ACCS: variants seen among roughly 807,000 people sequenced by gnomAD.
ACCS encodes the protein 1-aminocyclopropane-1-carboxylate synthase-like protein 1.
A neutral mutation model predicts 59.8 loss-of-function variants in ACCS; 42 were observed. That is an observed-to-expected ratio of 0.70 (90% confidence interval 0.55 to 0.91). The LOEUF is 0.91. ACCS is among the 40% of genes least tolerant of loss of function. The probability of loss-of-function intolerance (pLI) is 0.00; values close to 1 mark genes in which losing one functional copy is unlikely to be tolerated. For synonymous variants in ACCS, 230 were observed against 240.3 expected, an observed-to-expected ratio of 0.96 and a Z score of 0.40; for missense variants, 602 against 630.4, an observed-to-expected ratio of 0.95 and a Z score of 0.48.
At chr11:44,069,514 GCCAAGCCACCGTGCCAGT>G (rs1390712800) in intron 2 of ACCS, among the ~76,000 whole-genome samples, 3 of 152,190 alleles carry the variant, frequency 2.0e-5, no homozygotes, top group Non-Finnish European at 2.9e-5. Context: ...ACCGCGCCTG[GCCAAGCCACCGTGCCAGT>G]CCACGCCACC....
intron 7 of ACCS, 100 bp from the exon 8 acceptor site, chr11:44,077,745 G>A (rs1472934703): frequency 2.0e-6 from 3 of 1,506,596 alleles, no homozygotes; most frequent in Non-Finnish European, 1.8e-6. Flanking sequence ...TTCTGAGGAG[G>A]CTGGGGATTA....
At position 44,083,696 on chromosome 11, in the gene ACCS, G is replaced by C; in HGVS notation, c.1410G>C (p.Gly470=). The change falls in exon 15 of 15, where the codon GGG becomes GGC. Residue 470 remains glycine (G), a splice_region_variant and synonymous_variant. Transcript: ENST00000263776. Reference sequence around the variant, plus strand: ...TGGCCCCTCACTTCCCCTTCCCAGGGATGCAGAGGGTCCAGCAGGTGCTTG... The same window carrying C: ...TGGCCCCTCACTTCCCCTTCCCAGGCATGCAGAGGGTCCAGCAGGTGCTTG... ...FSDQVHRLCL[G]MQRVQQVLAG... The C allele has an allele frequency of 6.2e-7, 1 of 1,614,128 alleles. No homozygotes were observed. Among genetic ancestry groups the C allele is most frequent in the South Asian group, 1.1e-5 (1 of 91,078 alleles).
intron 14 of ACCS, 30 bp from the exon 15 acceptor site, chr11:44,083,665 G>A: frequency 1.2e-6 from 2 of 1,614,166 alleles, no homozygotes; most frequent in Non-Finnish European, 1.7e-6. Context: ...GGCCATCAGT[G>A]CCAACTGGCC....
intron 10 of ACCS, chr11:44,080,809 A>G: frequency 1.7e-6 from 1 of 601,280 alleles, no homozygotes; most frequent in Non-Finnish European, 3.0e-6. Flanking sequence ...TACAAGAAAC[A>G]GGCAGCAGGC....
chr11:44,068,781 C>T (rs1952908441), intron 2 of ACCS, among the ~76,000 whole-genome samples: 1 of 152,178 alleles, frequency 6.6e-6, no homozygotes, highest in Admixed American at 6.5e-5. Context: ...ATAATGCCTT[C>T]AGAAGTCAGA....
rs143198067 is a variant in ACCS, at chr11:44,083,207, C to T, written c.1150C>T (p.Arg384Trp). The T allele has an allele frequency of 3.1e-5, 50 of 1,614,178 alleles. No individual in the cohort carries two copies. Among genetic ancestry groups the T allele is most frequent in the African/African-American group, 1.7e-4 (13 of 75,036 alleles). Residue 384 changes from arginine (R) to tryptophan (W), a missense_variant, in exon 13 of 15, where the codon CGG (arginine) becomes TGG (tryptophan). By Grantham distance (101) the Arg-to-Trp change is moderately radical. Transcript: ENST00000263776. ...GGTGTACCTGCCGGAAAACCATGCC[C>T]GGCTCAAGGCTGCCCACACCTATGT... ...NQVYLPENHA[R>W]LKAAHTYVSE...
At chr11:44,080,424 A>C (rs1391807379) in intron 10 of ACCS, 1 of 153,194 alleles carries the variant, frequency 6.5e-6, no homozygotes, top group African/African-American at 2.4e-5. Flanking sequence ...TGGATTAGGA[A>C]ACTGAGGCAC....
Position 44,083,509 on chromosome 11 carries a change from C to G in ACCS, c.1340C>G (p.Ala447Gly). ...AAGGTGCTGCTGTCCTTTGGCAAGGCCTTCGAGTGTAAAGAGCCTGGTTGG... is the reference window on the plus strand; with the variant it reads ...AAGGTGCTGCTGTCCTTTGGCAAGGGCTTCGAGTGTAAAGAGCCTGGTTGG... Reference protein sequence around the residue: ...DNKVLLSFGKAFECKEPGWFR... With the variant: ...DNKVLLSFGKGFECKEPGWFR... The change falls in exon 14 of 15, where the codon GCC (alanine) becomes GGC (glycine). Residue 447 changes from alanine to glycine, a missense_variant. Coordinates refer to ENST00000263776, the MANE Select transcript of ACCS (RefSeq NM_032592.4). The G allele has an allele frequency of 6.2e-7, 1 of 1,614,258 alleles. No homozygotes were observed. Among genetic ancestry groups the G allele is most frequent in the Non-Finnish European group, 8.5e-7 (1 of 1,180,038 alleles).
Position 44,071,453 on chromosome 11 carries a change from C to G in ACCS, c.348+138C>G, listed in dbSNP as rs959621393. On this transcript the variant is annotated intron_variant, in intron 3 of 14. Transcript: ENST00000263776. Reference sequence around the variant, plus strand: ...CAGGAGACCCGGGTTCCAGGCCTACCTTGGGACAGTTTTCTGTGTGATCTT... The same window carrying G: ...CAGGAGACCCGGGTTCCAGGCCTACGTTGGGACAGTTTTCTGTGTGATCTT... 2.6e-5 allele frequency: 22 copies of G among 855,064 alleles called. No individual in the cohort carries two copies. In the Middle Eastern group the frequency reaches 1.2e-3, roughly 47 times the overall value. 53.0% of individuals were successfully genotyped at this position (855,064 alleles called of 1,614,324 possible).
rs1159286309 is a variant in ACCS at position 44,081,054 on chromosome 11, G to A, written c.958G>A (p.Ala320Thr). Residue 320 changes from alanine to threonine, a missense_variant, in exon 11 of 15, where the codon GCA becomes ACA. Transcript: ENST00000263776. ...PDPQRTHVMW[A>T]TSKDFGMSGL... Reference sequence around the variant, plus strand: ...CCCCCAGAGGACCCATGTGATGTGGGCAACCAGCAAGGTGAGTTCCTGGCT... The same window carrying A: ...CCCCCAGAGGACCCATGTGATGTGGACAACCAGCAAGGTGAGTTCCTGGCT... 3.7e-6 allele frequency: 6 copies of A among 1,614,208 alleles called. No individual in the cohort carries two copies. The East Asian group carries it at 1.3e-4, about 36-fold the overall frequency.
chr11:44,077,933 C>T lies in ACCS; in HGVS notation c.732+11C>T, dbSNP rs780782552. 1 of 1,613,018 alleles carries T rather than the reference C, an allele frequency of 6.2e-7. No homozygotes were observed. The highest frequency in any genetic ancestry group is 8.5e-7 in the Non-Finnish European group (1 of 1,179,472). ...GAAGCTCACTCTGAGGTCTGGGGAT[C>T]AAATCAAACCTGAGGCTGGGTGTGG... On this transcript the variant is annotated intron_variant, in intron 8 of 14. Transcript: ENST00000263776.
intron 2 of ACCS, among the ~76,000 whole-genome samples, chr11:44,070,899 C>G (rs979523526): frequency 7.2e-5 from 11 of 152,168 alleles, no homozygotes; most frequent in African/African-American, 2.7e-4. Flanking sequence ...GGAGCTTACC[C>G]TCAGTACGGG....
intron 3 of ACCS, chr11:44,073,202 G>A (rs1051112418): frequency 7.4e-6 from 4 of 543,752 alleles, no homozygotes; most frequent in African/African-American, 5.7e-5. Context: ...CAGACTAGGA[G>A]TCAAAAATTT....
chr11:44,079,467 C>T, intron 9 of ACCS, 64 bp from the exon 10 acceptor site: 1 of 1,404,986 alleles, frequency 7.1e-7, no homozygotes, highest in Non-Finnish European at 9.9e-7. Context: ...ATTACCTCCC[C>T]ACCCTGTGGG....
intron 4 of ACCS, among the ~76,000 whole-genome samples, chr11:44,074,273 T>G (rs192028034): frequency 5.7e-4 from 87 of 152,292 alleles, no homozygotes; most frequent in African/African-American, 2.1e-3. Context: ...TTATAGAAGG[T>G]AAATGCTCAA....
chr11:44,067,890 A>C lies in ACCS; in HGVS notation c.263A>C (p.Glu88Ala). Residue 88 changes from glutamate to alanine, a missense_variant, in exon 2 of 15, where the codon GAG becomes GCG. By Grantham distance (107) the Glu-to-Ala change is moderately radical. Coordinates refer to ENST00000263776, the MANE Select transcript of ACCS (RefSeq NM_032592.4). ...GGCTACAGGACCTACCACATGGATG[A>C]GTATGATGAGGACAAGAACCCCAGT... Reference protein sequence around the residue: ...EEGYRTYHMDEYDEDKNPSGI... With the variant: ...EEGYRTYHMDAYDEDKNPSGI... The C allele has an allele frequency of 6.2e-7, 1 of 1,610,022 alleles. No individual in the cohort carries two copies. Among genetic ancestry groups the C allele is most frequent in the Non-Finnish European group, 8.5e-7 (1 of 1,178,076 alleles).
intron 9 of ACCS, 120 bp downstream of exon 9, chr11:44,078,904 T>G: frequency 6.6e-6 from 5 of 755,506 alleles, no homozygotes; most frequent in Non-Finnish European, 1.1e-5. Context: ...GCTTGGGCCC[T>G]TCCTTGGCAG....
In ACCS at chr11:44,083,816, A is replaced by C. The variant is rs771716088; in HGVS notation, c.*24A>C. 1.3e-6 allele frequency: 2 copies of C among 1,571,380 alleles called. No homozygotes were observed. Among genetic ancestry groups the C allele is most frequent in the East Asian group, 4.7e-5 (2 of 42,188 alleles). ...GAGCTGGTCATTGTCTCGTGGCCAG[A>C]GGGCCCAGCAGCCACTGTGGACCTG... On this transcript the variant is annotated 3_prime_UTR_variant, in exon 15 of 15. Coordinates refer to ENST00000263776, the MANE Select transcript of ACCS (RefSeq NM_032592.4).
At position 44,083,649 on chromosome 11, in the gene ACCS, C is replaced by T. The variant is rs200693551; in HGVS notation, c.1409-46C>T. On this transcript the variant is annotated intron_variant, in intron 14 of 14. Transcript: ENST00000263776. ...GTGGCCTCCGCTTGTTTGTCCCCAC[C>T]CACGTGGCCATCAGTGCCAACTGGC... The T allele has an allele frequency of 1.8e-4, 297 of 1,614,184 alleles. 2 individuals are homozygous for T. The East Asian group carries it at 6.5e-3, about 35-fold the overall frequency.
Sources: gnomAD v4.1 joint callset for allele counts (sites outside exome capture counted in the v4.1 genomes callset) on GRCh38, gnomAD v4.1.1 for gene constraint, MANE v1.5 for transcripts, NCBI Gene and HGNC (gene_info 2026-07-23, HGNC 2026-07-21) for gene names.